NXN: variants seen among roughly 807,000 people sequenced by gnomAD.
The protein encoded by NXN is nucleoredoxin 1.
NXN carries 16 observed loss-of-function variants against 48.6 expected under a neutral mutation model. The ratio of observed to expected loss-of-function variants is 0.33; its 90% CI spans 0.22 to 0.50. NXN has a LOEUF of 0.50. NXN is among the 20% of genes least tolerant of loss of function. The probability of loss-of-function intolerance (pLI) is 0.98; values close to 1 mark genes in which losing one functional copy is unlikely to be tolerated. For synonymous variants in NXN, 281 were observed against 269.6 expected, an observed-to-expected ratio of 1.04 and a Z score of -0.41; for missense variants, 492 against 605.5, an observed-to-expected ratio of 0.81 and a Z score of 1.97.
intron 1 of NXN, among the ~76,000 whole-genome samples, chr17:914,449 C>T (rs1272167999): frequency 6.6e-6 from 1 of 152,148 alleles, no homozygotes; most frequent in East Asian, 1.9e-4. Context: ...GTATTACAGG[C>T]ACAAGCTACC....
At chr17:813,843 A>G (rs1201572861) in intron 5 of NXN, among the ~76,000 whole-genome samples, 1 of 151,984 alleles carries the variant, frequency 6.6e-6, no homozygotes, top group Non-Finnish European at 1.5e-5. Context: ...GCAGGTGCCT[A>G]TAATCCCAGC....
chr17:886,686 G>A (rs2068351726), intron 1 of NXN, among the ~76,000 whole-genome samples: 1 of 151,922 alleles, frequency 6.6e-6, no homozygotes, highest in South Asian at 2.1e-4. Flanking sequence ...ACTGAGGCAG[G>A]AGAATCACTT....
At chr17:832,661 C>T (rs963470688) in intron 1 of NXN, among the ~76,000 whole-genome samples, 2 of 152,130 alleles carry the variant, frequency 1.3e-5, no homozygotes, top group African/African-American at 4.8e-5. Context: ...GCCCTGCCCC[C>T]AGTCTCCACA....
Position 870,896 on chromosome 17 carries a change from T to C in NXN, c.361-44818A>G, listed in dbSNP as rs547460416. Among the ~76,000 whole-genome samples, 487 of 152,212 alleles carry C rather than the reference T, an allele frequency of 3.2e-3. 2 individuals carry two copies. Among genetic ancestry groups the C allele is most frequent in the Non-Finnish European group, 5.1e-3 (346 of 68,002 alleles). Reference sequence around the variant, plus strand: ...ATTTTTGAGACAGAGTCTCACTCTGTCGCCCAGGCTGGAGTGCAGTGGTGC... The same window carrying C: ...ATTTTTGAGACAGAGTCTCACTCTGCCGCCCAGGCTGGAGTGCAGTGGTGC... On this transcript the variant is annotated intron_variant, in intron 1 of 7. Transcript: ENST00000336868.
chr17:807,336 A>C (rs1283502105), intron 5 of NXN, among the ~76,000 whole-genome samples: 1 of 152,210 alleles, frequency 6.6e-6, no homozygotes, highest in East Asian at 1.9e-4. Context: ...CTGCTGTGAC[A>C]GGCCCCGCGG....
intron 1 of NXN, chr17:933,432 A>C (rs975837366): frequency 6.6e-6 from 1 of 152,198 alleles, no homozygotes; most frequent in Admixed American, 6.6e-5. Context: ...GGGTGGGGGA[A>C]GGGGAAGAAC....
rs570076367 is a variant in NXN at position 896,404 on chromosome 17, G to A, written c.361-70326C>T. 6.6e-5 allele frequency among the ~76,000 whole-genome samples: 10 copies of A among 151,496 alleles called. No homozygotes were observed. In the South Asian group the frequency reaches 1.3e-3, roughly 19 times the overall value. Reference sequence around the variant, plus strand: ...CGTGTGCCTGCAGTCCTAACTACTCGGGAGGCTGAGGTGGATTATTTGAGC... The same window carrying A: ...CGTGTGCCTGCAGTCCTAACTACTCAGGAGGCTGAGGTGGATTATTTGAGC... On this transcript the variant is annotated intron_variant, in intron 1 of 7. Transcript: ENST00000336868.
At chr17:843,048 G>GAA (rs1429111304) in intron 1 of NXN, among the ~76,000 whole-genome samples, 1 of 125,964 alleles carries the variant, frequency 7.9e-6, no homozygotes, top group Non-Finnish European at 1.7e-5. Context: ...AAGAAAGAAA[G>GAA]AAAGAAAGAA....
chr17:941,304 C>T (rs368130480), intron 1 of NXN, among the ~76,000 whole-genome samples: 25 of 125,172 alleles, frequency 2.0e-4, no homozygotes, highest in African/African-American at 5.4e-4. Flanking sequence ...GGATTTACAG[C>T]GAACAAGATT....
At chr17:831,587 C>T (rs1913477948) in intron 1 of NXN, among the ~76,000 whole-genome samples, 1 of 152,022 alleles carries the variant, frequency 6.6e-6, no homozygotes, top group East Asian at 1.9e-4. Context: ...GCAACCTCCA[C>T]CTCCCAGGTT....
Position 825,764 on chromosome 17 carries a change from CTGATCCCTG to C in NXN, c.478+188_478+196del, listed in dbSNP as rs1201128602. The C allele has an allele frequency of 1.3e-5, 7 of 556,204 alleles. No homozygotes were observed. The highest frequency in any genetic ancestry group is 2.2e-5 in the Non-Finnish European group (7 of 311,936). 34.5% of individuals were successfully genotyped at this position (556,204 alleles called of 1,614,324 possible). On this transcript the variant is annotated intron_variant, in intron 2 of 7. Transcript: ENST00000336868. This position sits in a 1 kb window ranked among gnomAD's most constrained non-coding sequence, Gnocchi z 4.1. Reference sequence around the variant, plus strand: ...AATTAAAGCCCCTAGGAGGGACATTCTGATCCCTGTGAAAATCTTAAAACCATGTCCTAG... The same window carrying C: ...AATTAAAGCCCCTAGGAGGGACATTCTGAAAATCTTAAAACCATGTCCTAG...
rs1913022067 is a variant in NXN at position 825,029 on chromosome 17, G to T, written c.478+932C>A. Among the ~76,000 whole-genome samples, 2 of 152,068 alleles carry T rather than the reference G, an allele frequency of 1.3e-5. 1 individual carries two copies. Among genetic ancestry groups the T allele is most frequent in the South Asian group, 4.1e-4 (2 of 4,826 alleles). On this transcript the variant is annotated intron_variant, in intron 2 of 7. Transcript: ENST00000336868. The surrounding 1 kb of genome is among the most constrained non-coding windows in gnomAD (Gnocchi z 4.1). ...CGGATTGCTTGAGCTCAAAAGTTTT[G>T]AGACCAGCCTGGGCAAGCCTAGGGA...
rs965977278 is a variant in NXN at position 846,861 on chromosome 17, A to G, written c.361-20783T>C. Among the ~76,000 whole-genome samples, 6 of 150,846 alleles carry G rather than the reference A, an allele frequency of 4.0e-5. No individual in the cohort carries two copies. In the East Asian group the frequency reaches 1.2e-3, roughly 29 times the overall value. On this transcript the variant is annotated intron_variant, in intron 1 of 7. Transcript: ENST00000336868. ...AAGGGAAAAGGAGAAAAAAGGAGAAAAATGGTGGGGGTGGAGGGGTACAAT... is the reference window on the plus strand; with the variant it reads ...AAGGGAAAAGGAGAAAAAAGGAGAAGAATGGTGGGGGTGGAGGGGTACAAT...
intron 2 of NXN, among the ~76,000 whole-genome samples, chr17:824,385 C>T (rs2144649278): frequency 6.6e-6 from 1 of 152,314 alleles, no homozygotes; most frequent in South Asian, 2.1e-4. Flanking sequence ...GCCCAGGCCA[C>T]ATCCTGAGGC....
intron 1 of NXN, among the ~76,000 whole-genome samples, chr17:905,879 G>C (rs1231500316): frequency 6.6e-6 from 1 of 151,470 alleles, no homozygotes; most frequent in Non-Finnish European, 1.5e-5. Flanking sequence ...CAGGAGGTTG[G>C]GGTGGGAGGA....
At chr17:928,927 G>A (rs908941829) in intron 1 of NXN, among the ~76,000 whole-genome samples, 2 of 152,178 alleles carry the variant, frequency 1.3e-5, no homozygotes, top group African/African-American at 4.8e-5. Context: ...TGGCCTAAAC[G>A]CGTAATCAGC....
chr17:851,915 C>T (rs1487993638), intron 1 of NXN, among the ~76,000 whole-genome samples: 1 of 152,178 alleles, frequency 6.6e-6, no homozygotes, highest in Non-Finnish European at 1.5e-5. Context: ...GCAAGTTTTC[C>T]AGTGGTTTAA....
In NXN at chr17:831,244, G is replaced by A. The variant is rs918947419; in HGVS notation, c.361-5166C>T. Among the ~76,000 whole-genome samples, 19 of 151,156 alleles carry A rather than the reference G, an allele frequency of 1.3e-4. No homozygotes were observed. In the East Asian group the frequency reaches 2.0e-3, roughly 16 times the overall value. On this transcript the variant is annotated intron_variant, in intron 1 of 7. Coordinates refer to ENST00000336868, the MANE Select transcript of NXN (RefSeq NM_022463.5). ...GGAGGCAAGGGGGAGCGGATCACCC[G>A]AGCCCAGGACTTCAAGACCAGCCTG...
intron 1 of NXN, among the ~76,000 whole-genome samples, chr17:844,621 G>A (rs2067839813): frequency 6.6e-6 from 1 of 151,674 alleles, no homozygotes; most frequent in Non-Finnish European, 1.5e-5. Context: ...GTCTCCTTCT[G>A]TCACCCAGGC....
Sources: gnomAD v4.1 joint callset for allele counts (sites outside exome capture counted in the v4.1 genomes callset) on GRCh38, gnomAD v4.1.1 for gene constraint, Gnocchi (gnomAD v3.1) non-coding constraint, MANE v1.5 for transcripts, NCBI Gene and HGNC (gene_info 2026-07-23, HGNC 2026-07-21) for gene names.